Variants in HS6ST3 observed in about 807,000 individuals in gnomAD.
HS6ST3 encodes heparan sulfate 6-O-sulfotransferase 3.
Under a neutral mutation model 36.7 loss-of-function variants are expected in HS6ST3, and 12 were observed. The ratio of observed to expected loss-of-function variants is 0.33; its 90% CI spans 0.21 to 0.53. HS6ST3 has a LOEUF of 0.53. Ranked by LOEUF, HS6ST3 falls within the 20% of genes least tolerant of loss-of-function variation. The probability of loss-of-function intolerance (pLI) is 0.95; values close to 1 mark genes in which losing one functional copy is unlikely to be tolerated. For missense variants in HS6ST3, 584 were observed against 640.9 expected (o/e 0.91, Z 0.96); for synonymous variants, 240 against 257.5 (o/e 0.93, Z 0.65).
At position 96,362,262 on chromosome 13, in the gene HS6ST3, A is replaced by G. The variant is rs956039879; in HGVS notation, c.707+270693A>G. Among the ~76,000 whole-genome samples the G allele has an allele frequency of 3.3e-5, 5 of 150,946 alleles. No individual in the cohort carries two copies. The South Asian group carries it at 8.5e-4, about 26-fold the overall frequency. ...AAAACAAAGTAAATAATATTTAATA[A>G]CGATTTCTAACAAAATATTTTTAAA... On this transcript the variant is annotated intron_variant, in intron 1 of 1. Transcript: ENST00000376705.
Position 96,236,855 on chromosome 13 carries a change from C to G in HS6ST3, c.707+145286C>G, listed in dbSNP as rs79819315. Among the ~76,000 whole-genome samples, 35 of 152,328 alleles carry G rather than the reference C, an allele frequency of 2.3e-4. No individual in the cohort carries two copies. The East Asian group carries it at 6.6e-3, about 29-fold the overall frequency. ...AGACCTCTTCTTCCCACTTCTCTGTCAGCTGGTGTATTACTCCATTCTCAT... is the reference window on the plus strand; with the variant it reads ...AGACCTCTTCTTCCCACTTCTCTGTGAGCTGGTGTATTACTCCATTCTCAT... On this transcript the variant is annotated intron_variant, in intron 1 of 1. Transcript: ENST00000376705.
chr13:96,196,194 C>T (rs1297621914), intron 1 of HS6ST3, among the ~76,000 whole-genome samples: 3 of 152,108 alleles, frequency 2.0e-5, no homozygotes, highest in Admixed American at 1.3e-4. Flanking sequence ...AGGCAGCCAC[C>T]GCTGGTAGCC....
chr13:96,185,899 T>C (rs1172266865), intron 1 of HS6ST3, among the ~76,000 whole-genome samples: 3 of 152,194 alleles, frequency 2.0e-5, no homozygotes, highest in Non-Finnish European at 4.4e-5. Context: ...TTTATTCGCA[T>C]GTACAGAACC....
intron 1 of HS6ST3, among the ~76,000 whole-genome samples, chr13:96,693,859 G>A (rs1875046762): frequency 6.6e-6 from 1 of 152,014 alleles, no homozygotes; most frequent in African/African-American, 2.4e-5. Context: ...AAGTTACATG[G>A]GTCCAGATTT....
At chr13:96,371,649 C>T (rs1398753489) in intron 1 of HS6ST3, among the ~76,000 whole-genome samples, 1 of 152,136 alleles carries the variant, frequency 6.6e-6, no homozygotes, top group African/African-American at 2.4e-5. Flanking sequence ...TGGAAACCAC[C>T]ATTCTGCTCT....
intron 1 of HS6ST3, among the ~76,000 whole-genome samples, chr13:96,309,500 C>T (rs1036506923): frequency 6.6e-6 from 1 of 152,112 alleles, no homozygotes; most frequent in African/African-American, 2.4e-5. Context: ...AACAAGGCTA[C>T]TTAAATCAAG....
chr13:96,805,254 C>T (rs150755690), intron 1 of HS6ST3, among the ~76,000 whole-genome samples: 8 of 152,196 alleles, frequency 5.3e-5, no homozygotes, highest in African/African-American at 1.9e-4. Context: ...TGGACTTCCC[C>T]CTTGCTGTTC....
intron 1 of HS6ST3, among the ~76,000 whole-genome samples, chr13:96,096,964 G>A (rs1469358237): frequency 6.6e-6 from 1 of 152,142 alleles, no homozygotes; most frequent in Non-Finnish European, 1.5e-5. Context: ...TAAAACTAAA[G>A]AGATATGAGA....
chr13:96,794,844 G>A (rs2138522799), intron 1 of HS6ST3, among the ~76,000 whole-genome samples: 1 of 152,176 alleles, frequency 6.6e-6, no homozygotes, highest in Admixed American at 6.6e-5. Flanking sequence ...AACCAGCTGT[G>A]TATTTCTGTT....
chr13:96,435,283 C>T (rs2055636016), intron 1 of HS6ST3, among the ~76,000 whole-genome samples: 1 of 152,080 alleles, frequency 6.6e-6, no homozygotes, highest in Non-Finnish European at 1.5e-5. Flanking sequence ...TTCTTTTTTC[C>T]TTCCTTTCCA....
chr13:96,650,368 T>A (rs1349070656), intron 1 of HS6ST3, among the ~76,000 whole-genome samples: 1 of 152,016 alleles, frequency 6.6e-6, no homozygotes, highest in Non-Finnish European at 1.5e-5. Flanking sequence ...TGATTTCCTT[T>A]GAAAGGCAAT....
chr13:96,100,517 A>C (rs2053813108), intron 1 of HS6ST3, among the ~76,000 whole-genome samples: 2 of 152,210 alleles, frequency 1.3e-5, no homozygotes, highest in African/African-American at 4.8e-5. Flanking sequence ...CTGTGTTATC[A>C]GTATTTTTTG....
In HS6ST3 at chr13:96,330,514, A is replaced by G. The variant is rs1425048847; in HGVS notation, c.707+238945A>G. On this transcript the variant is annotated intron_variant, in intron 1 of 1. Transcript: ENST00000376705. Reference sequence around the variant, plus strand: ...TTAAGAATGTTGAATATTGGCCCCCACTCTCTTCTGGCTTGTAGGGTTTCT... The same window carrying G: ...TTAAGAATGTTGAATATTGGCCCCCGCTCTCTTCTGGCTTGTAGGGTTTCT... Among the ~76,000 whole-genome samples, 234 of 151,182 alleles carry G rather than the reference A, an allele frequency of 1.5e-3. 6 individuals carry two copies. The South Asian group carries it at 0.024, about 16-fold the overall frequency.
At chr13:96,808,365 C>A (rs183612053) in intron 1 of HS6ST3, among the ~76,000 whole-genome samples, 1 of 152,130 alleles carries the variant, frequency 6.6e-6, no homozygotes, top group African/African-American at 2.4e-5. Context: ...CAGATCAAAG[C>A]ATTTAATGGC....
intron 1 of HS6ST3, among the ~76,000 whole-genome samples, chr13:96,740,396 A>G (rs908067483): frequency 6.6e-6 from 1 of 152,196 alleles, no homozygotes; most frequent in Non-Finnish European, 1.5e-5. Context: ...GAAGGGAAAC[A>G]TACCATTTAT....
intron 1 of HS6ST3, among the ~76,000 whole-genome samples, chr13:96,231,569 A>G (rs895466187): frequency 2.0e-5 from 3 of 151,966 alleles, no homozygotes; most frequent in Non-Finnish European, 4.4e-5. Context: ...ATAACTCACT[A>G]TCATGAGAAC....
At position 96,090,362 on chromosome 13, in the gene HS6ST3, G is replaced by C. The variant is rs1594671923; in HGVS notation, c.-501G>C. On this transcript the variant is annotated 5_prime_UTR_variant, in exon 1 of 2. Coordinates refer to ENST00000376705, the MANE Select transcript of HS6ST3 (RefSeq NM_153456.4). ...CGCGCGTGCCGGGCGCGGTGCCCGCGGCCGGCCGGGGCGGCGGGAGCGGGC... is the reference window on the plus strand; with the variant it reads ...CGCGCGTGCCGGGCGCGGTGCCCGCCGCCGGCCGGGGCGGCGGGAGCGGGC... 6.8e-6 allele frequency among the ~76,000 whole-genome samples: 1 copy of C among 146,336 alleles called. No individual in the cohort carries two copies. The highest frequency in any genetic ancestry group is 2.0e-4 in the East Asian group (1 of 5,046).
intron 1 of HS6ST3, among the ~76,000 whole-genome samples, chr13:96,373,014 C>T (rs2055297328): frequency 6.6e-6 from 1 of 152,096 alleles, no homozygotes; most frequent in Non-Finnish European, 1.5e-5. Context: ...AGGGGCAAAT[C>T]CTTCCATGCC....
chr13:96,239,856 A>G (rs542873967), intron 1 of HS6ST3, among the ~76,000 whole-genome samples: 1 of 152,268 alleles, frequency 6.6e-6, no homozygotes, highest in Non-Finnish European at 1.5e-5. Context: ...TAAGTGGAAT[A>G]CTGGTAAAAG....
Sources: gnomAD v4.1 joint callset for allele counts (sites outside exome capture counted in the v4.1 genomes callset) on GRCh38, gnomAD v4.1.1 for gene constraint, MANE v1.5 for transcripts, NCBI Gene and HGNC (gene_info 2026-07-23, HGNC 2026-07-21) for gene names.